FBXO36: variants seen among roughly 807,000 people sequenced by gnomAD.
The protein encoded by FBXO36 is F-box protein 36, also known as F-box only protein 36.
Under a neutral mutation model 17.0 loss-of-function variants are expected in FBXO36, and 18 were observed. The ratio of observed to expected loss-of-function variants is 1.06; its 90% CI spans 0.73 to 1.57. FBXO36 has a LOEUF of 1.57. Among genes scored for constraint, FBXO36 ranks in the 40% most tolerant of loss-of-function variants. FBXO36 has a pLI of 0.00. For synonymous variants in FBXO36, 83 were observed against 85.3 expected, an observed-to-expected ratio of 0.97 and a Z score of 0.15; for missense variants, 229 against 221.9, an observed-to-expected ratio of 1.03 and a Z score of -0.20.
At chr2:229,979,005 C>T (rs1344967460) in intron 2 of FBXO36, among the ~76,000 whole-genome samples, 20 of 151,116 alleles carry the variant, frequency 1.3e-4, no homozygotes, top group African/African-American at 2.7e-4. Context: ...GGTGAAACCC[C>T]GTCTCTACTA....
At chr2:229,922,704 A>G (rs951802902) in intron 1 of FBXO36, 95 bp downstream of exon 1, 14 of 1,328,368 alleles carry the variant, frequency 1.1e-5, no homozygotes, top group Non-Finnish European at 1.3e-5. Context: ...GAGCAACCGT[A>G]GCCCGCCGGA....
At chr2:229,962,185 A>AAAAAT (rs916293943) in intron 1 of FBXO36, among the ~76,000 whole-genome samples, 1 of 152,132 alleles carries the variant, frequency 6.6e-6, no homozygotes, top group African/African-American at 2.4e-5. Context: ...AAAAAAAAAA[A>AAAAAT]AAAATTAGGT....
In FBXO36 at chr2:230,012,501, G is replaced by T. The variant is rs1275109819; in HGVS notation, c.*1617G>T. On this transcript the variant is annotated 3_prime_UTR_variant, in exon 4 of 4. Transcript: ENST00000283946. The stretch of plus-strand genomic sequence containing the variant: ...CCTGACGTGGTTATGTCTGGATTTA[G>T]TCCAAGAACAGAGCAAAGCTTTAAT... 5 of 148,224 alleles carry T rather than the reference G, an allele frequency of 3.4e-5. No individual in the cohort carries two copies. Among genetic ancestry groups the T allele is most frequent in the African/African-American group, 1.2e-4 (5 of 41,154 alleles). 9.2% of individuals were successfully genotyped at this position (148,224 alleles called of 1,614,324 possible).
chr2:229,958,216 A>AT (rs35419532), intron 1 of FBXO36, among the ~76,000 whole-genome samples: 86,670 of 135,808 alleles, frequency 0.64, 27,649 homozygotes, highest in East Asian at 0.77. Context: ...GACCTTTACA[A>AT]TTTTTTTTTG....
At chr2:229,926,795 A>G (rs1414061736) in intron 1 of FBXO36, among the ~76,000 whole-genome samples, 3 of 152,002 alleles carry the variant, frequency 2.0e-5, no homozygotes, top group African/African-American at 7.2e-5. Context: ...ATATTTTCTT[A>G]TATTGGATTC....
chr2:229,938,542 T>G (rs981450530), intron 1 of FBXO36, among the ~76,000 whole-genome samples: 4 of 149,432 alleles, frequency 2.7e-5, no homozygotes, highest in African/African-American at 9.9e-5. Flanking sequence ...TGGTATGCAA[T>G]GGCGCCATCT....
chr2:229,951,263 G>A (rs1417276199), intron 1 of FBXO36, among the ~76,000 whole-genome samples: 1 of 147,958 alleles, frequency 6.8e-6, no homozygotes, highest in Admixed American at 6.8e-5. Context: ...TTTTTTTTTA[G>A]ACGGAGTTTC....
Position 229,975,201 on chromosome 2 carries a change from C to T in FBXO36, c.97-1040C>T, listed in dbSNP as rs1417706727. Among the ~76,000 whole-genome samples the T allele has an allele frequency of 1.3e-5, 2 of 152,098 alleles. 1 individual carries two copies. Among genetic ancestry groups the T allele is most frequent in the Non-Finnish European group, 2.9e-5 (2 of 68,024 alleles). ...AAATGTGCCATCAGCAGATCCATTA[C>T]CAAGAAGTGTCCTGTGTAATGACAC... On this transcript the variant is annotated intron_variant, in intron 1 of 3. Transcript: ENST00000283946.
intron 3 of FBXO36, among the ~76,000 whole-genome samples, chr2:230,009,225 T>G (rs2077402322): frequency 6.6e-6 from 1 of 151,850 alleles, no homozygotes; most frequent in Admixed American, 6.6e-5. Context: ...GCTGGTGCTG[T>G]TTGGGATAGG....
rs149109588 is a variant in FBXO36, at chr2:230,008,679, C to A, written c.379-2017C>A. On this transcript the variant is annotated intron_variant, in intron 3 of 3. Coordinates refer to ENST00000283946, the MANE Select transcript of FBXO36 (RefSeq NM_174899.5). The stretch of plus-strand genomic sequence containing the variant: ...CATTGATATCCTGAAATGTACTGTG[C>A]TAGTAATGGGATAGTAATCCACATT... Among the ~76,000 whole-genome samples, 547 of 152,274 alleles carry A rather than the reference C, an allele frequency of 3.6e-3. 3 individuals carry two copies. The highest frequency in any genetic ancestry group is 0.01 in the Middle Eastern group (3 of 294).
intron 1 of FBXO36, among the ~76,000 whole-genome samples, chr2:229,940,386 C>T (rs1221213676): frequency 2.0e-5 from 3 of 151,982 alleles, no homozygotes; most frequent in Admixed American, 6.6e-5. Flanking sequence ...AATAGTACCG[C>T]GGTGAGGAGC....
intron 3 of FBXO36, among the ~76,000 whole-genome samples, chr2:230,002,184 G>C (rs2077362726): frequency 6.6e-6 from 1 of 151,692 alleles, no homozygotes; most frequent in Non-Finnish European, 1.5e-5. Context: ...CCCCCATGTT[G>C]ACATCTTACA....
intron 1 of FBXO36, among the ~76,000 whole-genome samples, chr2:229,930,828 C>G (rs940799538): frequency 6.6e-6 from 1 of 152,182 alleles, no homozygotes; most frequent in African/African-American, 2.4e-5. Flanking sequence ...TGTGCTGGAG[C>G]CCTCCTCGAG....
chr2:229,982,886 T>G (rs2077248151), intron 2 of FBXO36, among the ~76,000 whole-genome samples: 1 of 151,960 alleles, frequency 6.6e-6, no homozygotes, highest in African/African-American at 2.4e-5. Context: ...GACATGGACA[T>G]CTTTGGGGAC....
chr2:229,966,681 A>G (rs996776677), intron 1 of FBXO36, among the ~76,000 whole-genome samples: 1 of 152,216 alleles, frequency 6.6e-6, no homozygotes, highest in Admixed American at 6.6e-5. Flanking sequence ...GTCAAAGACC[A>G]GATGGTTGTA....
chr2:229,952,979 G>A (rs2077064902), intron 1 of FBXO36, among the ~76,000 whole-genome samples: 1 of 152,182 alleles, frequency 6.6e-6, no homozygotes, highest in Non-Finnish European at 1.5e-5. Context: ...TCTCGGGTTG[G>A]GATGGAGAGA....
chr2:229,937,423 A>AGGCG (rs2076969916), intron 1 of FBXO36, among the ~76,000 whole-genome samples: 1 of 152,186 alleles, frequency 6.6e-6, no homozygotes, highest in African/African-American at 2.4e-5. Context: ...TGAACCCAGG[A>AGGCG]GGCGGAGGTT....
At chr2:229,954,857 G>T (rs966337464) in intron 1 of FBXO36, among the ~76,000 whole-genome samples, 3 of 139,618 alleles carry the variant, frequency 2.1e-5, no homozygotes, top group South Asian at 2.4e-4. Flanking sequence ...TTTTTTGTTT[G>T]TTTTTTTTTT....
At chr2:229,932,865 G>T in intron 1 of FBXO36, 1 of 324,620 alleles carries the variant, frequency 3.1e-6, no homozygotes, top group South Asian at 2.3e-5. Flanking sequence ...GTCTGGAGTT[G>T]GAGACCAGCC....
Sources: allele counts gnomAD v4.1 joint callset (sites outside exome capture counted in the v4.1 genomes callset), GRCh38; gene constraint gnomAD v4.1.1; transcripts MANE v1.5; gene names NCBI Gene and HGNC (gene_info 2026-07-23, HGNC 2026-07-21).